ELMO1: variants seen among roughly 807,000 people sequenced by gnomAD.
The protein encoded by ELMO1 is engulfment and cell motility protein 1.
A neutral mutation model predicts 98.9 loss-of-function variants in ELMO1; 26 were observed. That is an observed-to-expected ratio of 0.26 (90% CI 0.19 to 0.36). The LOEUF (loss-of-function observed/expected upper bound fraction) is 0.36. Ranked by LOEUF, ELMO1 falls within the 10% of genes least tolerant of loss-of-function variation. The pLI, the probability that ELMO1 is intolerant of heterozygous loss-of-function variation, is 1.00. For missense variants in ELMO1, 627 were observed against 935.2 expected (o/e 0.67, Z 4.30); for synonymous variants, 346 against 346.0 (o/e 1.00, Z 0.00).
At chr7:37,001,090 T>C (rs1011769572) in intron 16 of ELMO1, among the ~76,000 whole-genome samples, 1 of 152,160 alleles carries the variant, frequency 6.6e-6, no homozygotes, top group Non-Finnish European at 1.5e-5. Flanking sequence ...AGAAAAATAA[T>C]GACAACTGCC....
At chr7:37,024,757 G>A (rs575881160) in intron 15 of ELMO1, among the ~76,000 whole-genome samples, 2 of 152,166 alleles carry the variant, frequency 1.3e-5, no homozygotes, top group Non-Finnish European at 2.9e-5. Flanking sequence ...CATTTGGTAA[G>A]CACTTCATAA....
intron 6 of ELMO1, among the ~76,000 whole-genome samples, chr7:37,256,679 A>C (rs942959092): frequency 7.3e-5 from 9 of 122,536 alleles, no homozygotes; most frequent in Non-Finnish European, 3.4e-5. Context: ...GAGAGAAGGG[A>C]GAAGGAGGGA....
intron 4 of ELMO1, among the ~76,000 whole-genome samples, chr7:37,292,722 G>A (rs1156886981): frequency 1.9e-4 from 17 of 90,552 alleles, no homozygotes; most frequent in South Asian, 4.2e-4. Context: ...CAGCCGCCCC[G>A]TCCGGGAGGG....
At chr7:37,092,366 C>CTTTTATTTTTTTTTTT (rs1784147349) in intron 15 of ELMO1, among the ~76,000 whole-genome samples, 1 of 68,894 alleles carries the variant, frequency 1.5e-5, no homozygotes, top group African/African-American at 4.6e-5. Flanking sequence ...TACCCATATT[C>CTTTTATTTTTTTTTTT]TTTTTTTTTT....
intron 13 of ELMO1, among the ~76,000 whole-genome samples, chr7:37,142,147 A>G (rs1787682190): frequency 6.6e-6 from 1 of 152,262 alleles, no homozygotes; most frequent in African/African-American, 2.4e-5. Context: ...ACCATTCCGC[A>G]TGTCAAATAC....
chr7:37,248,136 T>A (rs1293529413), intron 6 of ELMO1, among the ~76,000 whole-genome samples: 1 of 150,442 alleles, frequency 6.6e-6, no homozygotes, highest in African/African-American at 2.5e-5. Context: ...AGATTATGCA[T>A]AAGGAGAAGA....
chr7:37,237,487 G>A (rs1250797381), intron 7 of ELMO1, among the ~76,000 whole-genome samples: 5 of 151,822 alleles, frequency 3.3e-5, no homozygotes, highest in African/African-American at 9.7e-5. Context: ...AAGGGGTTTC[G>A]CCATGTTAGC....
chr7:37,245,689 C>T (rs1340551563), intron 6 of ELMO1, among the ~76,000 whole-genome samples: 1 of 152,108 alleles, frequency 6.6e-6, no homozygotes, highest in African/African-American at 2.4e-5. Context: ...CCAGAGGCTA[C>T]TCTCCACTAA....
intron 2 of ELMO1, among the ~76,000 whole-genome samples, chr7:37,331,289 C>A (rs1409049498): frequency 4.6e-5 from 7 of 150,610 alleles, no homozygotes; most frequent in African/African-American, 1.7e-4. Flanking sequence ...CCTGCCTCAG[C>A]CTCCCGAGTA....
intron 15 of ELMO1, among the ~76,000 whole-genome samples, chr7:37,019,596 A>G (rs540053442): frequency 1.3e-5 from 2 of 152,342 alleles, no homozygotes; most frequent in South Asian, 4.1e-4. Context: ...GTTTAAATAA[A>G]CAAAGAAAAC....
chr7:37,399,600 C>T (rs778098480), intron 1 of ELMO1, among the ~76,000 whole-genome samples: 6 of 152,200 alleles, frequency 3.9e-5, no homozygotes, highest in Non-Finnish European at 7.3e-5. Flanking sequence ...TCGGGTAGAA[C>T]ATTCAACATG....
At chr7:37,364,584 T>TTTC (rs386409926) in intron 1 of ELMO1, among the ~76,000 whole-genome samples, 1 of 24,388 alleles carries the variant, frequency 4.1e-5, no homozygotes, top group Non-Finnish European at 8.3e-5. Context: ...GCTGGCTTAA[T>TTTC]TTTTTTTTTT....
chr7:37,409,126 G>A (rs1280800747), intron 1 of ELMO1, among the ~76,000 whole-genome samples: 2 of 114,968 alleles, frequency 1.7e-5, no homozygotes, highest in Non-Finnish European at 3.7e-5. Context: ...GCAGAGTTTT[G>A]CAAGTGAAAA....
intron 4 of ELMO1, among the ~76,000 whole-genome samples, chr7:37,307,383 C>T (rs907133039): frequency 6.6e-6 from 1 of 152,188 alleles, no homozygotes; most frequent in African/African-American, 2.4e-5. Context: ...TGCACTTCTC[C>T]TTGCTGCCTC....
In ELMO1 at chr7:36,912,701, T is replaced by C. The variant is rs145236048; in HGVS notation, c.1438-17684A>G. Among the ~76,000 whole-genome samples, 1,105 of 152,304 alleles carry C rather than the reference T, an allele frequency of 7.3e-3. 53 individuals carry two copies. The highest frequency in any genetic ancestry group is 0.062 in the Admixed American group (943 of 15,296). ...TCTTTTGTAAGGCATTTTAGTGATA[T>C]AGAGTGGAAATAGCATGAGTATTGG... On this transcript the variant is annotated intron_variant, in intron 16 of 21. Coordinates refer to ENST00000310758, the MANE Select transcript of ELMO1 (RefSeq NM_014800.11).
intron 4 of ELMO1, among the ~76,000 whole-genome samples, chr7:37,305,873 C>T (rs768382812): frequency 6.6e-6 from 1 of 152,044 alleles, no homozygotes; most frequent in Non-Finnish European, 1.5e-5. Context: ...TTCAAGACAA[C>T]GATAAAGCGA....
intron 4 of ELMO1, among the ~76,000 whole-genome samples, chr7:37,273,071 G>T (rs762160307): frequency 6.6e-6 from 1 of 152,188 alleles, no homozygotes; most frequent in Non-Finnish European, 1.5e-5. Flanking sequence ...AAGGAGTTTG[G>T]TTTCTTAACA....
At chr7:37,097,608 G>C (rs1784428244) in intron 14 of ELMO1, among the ~76,000 whole-genome samples, 1 of 142,124 alleles carries the variant, frequency 7.0e-6, no homozygotes, top group African/African-American at 2.6e-5. Flanking sequence ...GAGAGAAAGA[G>C]AAAAAAAAAG....
At chr7:37,379,316 C>G (rs1163383891) in intron 1 of ELMO1, among the ~76,000 whole-genome samples, 1 of 152,128 alleles carries the variant, frequency 6.6e-6, no homozygotes, top group African/African-American at 2.4e-5. Context: ...CTGGGATTAA[C>G]AGGTGTGAGC....
Sources: allele counts gnomAD v4.1 joint callset (sites outside exome capture counted in the v4.1 genomes callset), GRCh38; gene constraint gnomAD v4.1.1; transcripts MANE v1.5; gene names NCBI Gene and HGNC (gene_info 2026-07-23, HGNC 2026-07-21).